HS3ST4: variants seen among roughly 807,000 people sequenced by gnomAD.
HS3ST4 encodes the protein heparan sulfate glucosamine 3-O-sulfotransferase 4.
In HS3ST4, 17 loss-of-function variants were observed where a neutral mutation model predicts 29.2. That is an observed-to-expected ratio of 0.58 (90% CI 0.40 to 0.87). The LOEUF is 0.87. Among genes scored for constraint, HS3ST4 ranks in the 40% least tolerant of loss-of-function variants. HS3ST4 has a pLI of 0.00. For missense variants in HS3ST4, 627 were observed against 634.5 expected, an observed-to-expected ratio of 0.99 and a Z score of 0.13; for synonymous variants, 314 against 285.7, an observed-to-expected ratio of 1.10 and a Z score of -1.00.
intron 1 of HS3ST4, among the ~76,000 whole-genome samples, chr16:25,698,661 G>A (rs140633688): frequency 3.7e-4 from 56 of 152,280 alleles, no homozygotes; most frequent in African/African-American, 1.2e-3. Flanking sequence ...CTCAGCTACC[G>A]AGTCTGTCCA....
intron 1 of HS3ST4, among the ~76,000 whole-genome samples, chr16:25,732,172 G>T (rs759096628): frequency 1.1e-4 from 17 of 152,136 alleles, no homozygotes; most frequent in Non-Finnish European, 1.6e-4. Flanking sequence ...AACCAATATT[G>T]TCTAGAACAC....
At chr16:25,860,832 A>G (rs28498018) in intron 1 of HS3ST4, among the ~76,000 whole-genome samples, 1,650 of 152,298 alleles carry the variant, frequency 0.011, 23 homozygotes, top group African/African-American at 0.037. Flanking sequence ...TAGGACATAC[A>G]ACACCAAGAA....
intron 1 of HS3ST4, among the ~76,000 whole-genome samples, chr16:26,118,413 A>C (rs1194182556): frequency 6.6e-6 from 1 of 152,130 alleles, no homozygotes; most frequent in East Asian, 1.9e-4. Flanking sequence ...AGTTGCATGT[A>C]GATGTCACAA....
intron 1 of HS3ST4, among the ~76,000 whole-genome samples, chr16:26,088,076 C>G (rs1383675238): frequency 6.6e-6 from 1 of 152,160 alleles, no homozygotes; most frequent in Non-Finnish European, 1.5e-5. Context: ...CTTCTGAGGT[C>G]CTGAGAGCCT....
chr16:25,926,704 A>G (rs1968406514), intron 1 of HS3ST4, among the ~76,000 whole-genome samples: 1 of 152,210 alleles, frequency 6.6e-6, no homozygotes, highest in Non-Finnish European at 1.5e-5. Flanking sequence ...CGAAGAAAAG[A>G]ACTTTTAGAT....
intron 1 of HS3ST4, among the ~76,000 whole-genome samples, chr16:25,722,892 T>A (rs1966507173): frequency 6.6e-6 from 1 of 152,158 alleles, no homozygotes; most frequent in Non-Finnish European, 1.5e-5. Context: ...ACATACCCAA[T>A]AATGGGTTAT....
In HS3ST4 at chr16:25,758,162, T is replaced by C. The variant is rs1249813898; in HGVS notation, c.734+65011T>C. Among the ~76,000 whole-genome samples, 3 of 152,160 alleles carry C rather than the reference T, an allele frequency of 2.0e-5. No homozygotes were observed. In the East Asian group the frequency reaches 5.8e-4, roughly 29 times the overall value. Reference sequence around the variant, plus strand: ...TCCACCCTCAAACGGGAGAGAGAAATAAGAAGTTCTGAATAGAAGAGGTGC... The same window carrying C: ...TCCACCCTCAAACGGGAGAGAGAAACAAGAAGTTCTGAATAGAAGAGGTGC... On this transcript the variant is annotated intron_variant, in intron 1 of 1. Coordinates refer to ENST00000331351, the MANE Select transcript of HS3ST4 (RefSeq NM_006040.3).
chr16:26,071,897 G>A (rs951528363), intron 1 of HS3ST4, among the ~76,000 whole-genome samples: 5 of 152,076 alleles, frequency 3.3e-5, no homozygotes, highest in African/African-American at 1.2e-4. Flanking sequence ...GTGCATCATC[G>A]CATTTGGAAC....
intron 1 of HS3ST4, among the ~76,000 whole-genome samples, chr16:26,032,371 T>C (rs1309066260): frequency 6.6e-6 from 1 of 151,692 alleles, no homozygotes; most frequent in Non-Finnish European, 1.5e-5. Flanking sequence ...TAGTGACATA[T>C]GCCCCTTCCC....
At chr16:25,928,018 G>A (rs1440350606) in intron 1 of HS3ST4, among the ~76,000 whole-genome samples, 2 of 127,460 alleles carry the variant, frequency 1.6e-5, no homozygotes, top group Admixed American at 9.6e-5. Context: ...GGATAATGTG[G>A]AGATACCCCA....
chr16:25,922,898 G>T (rs150297228), intron 1 of HS3ST4, among the ~76,000 whole-genome samples: 5 of 152,148 alleles, frequency 3.3e-5, no homozygotes, highest in African/African-American at 1.2e-4. Flanking sequence ...TGGGCTGTGC[G>T]TCTCAGCCTG....
At chr16:25,921,688 A>G (rs1968355497) in intron 1 of HS3ST4, among the ~76,000 whole-genome samples, 1 of 151,980 alleles carries the variant, frequency 6.6e-6, no homozygotes. Context: ...AAGGAACCCA[A>G]CAAACCTTAG....
chr16:25,976,381 C>A (rs951885609), intron 1 of HS3ST4, among the ~76,000 whole-genome samples: 4 of 152,138 alleles, frequency 2.6e-5, no homozygotes, highest in Non-Finnish European at 5.9e-5. Context: ...TCATGGCTCA[C>A]TGCAGCCTCA....
At chr16:25,844,791 T>C (rs1967447815) in intron 1 of HS3ST4, among the ~76,000 whole-genome samples, 1 of 152,086 alleles carries the variant, frequency 6.6e-6, no homozygotes, top group African/African-American at 2.4e-5. Context: ...AGCAAAGAGA[T>C]GGAATCAACC....
At chr16:25,962,943 G>C (rs1424233862) in intron 1 of HS3ST4, among the ~76,000 whole-genome samples, 3 of 152,156 alleles carry the variant, frequency 2.0e-5, no homozygotes, top group African/African-American at 4.8e-5. Flanking sequence ...ATTACTATGA[G>C]TGCCATTACT....
At chr16:26,118,398 T>A (rs553299481) in intron 1 of HS3ST4, among the ~76,000 whole-genome samples, 1 of 152,268 alleles carries the variant, frequency 6.6e-6, no homozygotes, top group South Asian at 2.1e-4. Context: ...TAGAGATGAC[T>A]TTTAAGTTGC....
At chr16:25,854,996 T>G (rs898672679) in intron 1 of HS3ST4, among the ~76,000 whole-genome samples, 1 of 151,946 alleles carries the variant, frequency 6.6e-6, no homozygotes, top group African/African-American at 2.4e-5. Flanking sequence ...TTTGGGGAGA[T>G]AGAAATACAG....
chr16:25,930,289 T>C (rs1968450336), intron 1 of HS3ST4, among the ~76,000 whole-genome samples: 1 of 152,216 alleles, frequency 6.6e-6, no homozygotes, highest in Non-Finnish European at 1.5e-5. Context: ...TAGATAGTCC[T>C]GGATGGAGGC....
intron 1 of HS3ST4, among the ~76,000 whole-genome samples, chr16:26,104,999 C>T (rs1177270102): frequency 6.6e-6 from 1 of 152,132 alleles, no homozygotes; most frequent in Non-Finnish European, 1.5e-5. Context: ...CATTATTTCA[C>T]CCACCTTCTA....
Sources: gnomAD v4.1 joint callset for allele counts (sites outside exome capture counted in the v4.1 genomes callset) on GRCh38, gnomAD v4.1.1 for gene constraint, MANE v1.5 for transcripts, NCBI Gene and HGNC (gene_info 2026-07-23, HGNC 2026-07-21) for gene names.